The following NELL1 variants were observed in gnomAD, a reference collection of about 807,000 sequenced individuals.
NELL1 encodes neural EGFL like 1, also known as protein kinase C-binding protein NELL1.
NELL1 carries 76 observed loss-of-function variants against 107.4 expected under a neutral mutation model. That is an observed-to-expected ratio of 0.71 (90% CI 0.59 to 0.86). The LOEUF is 0.86. Among genes scored for constraint, NELL1 ranks in the 40% least tolerant of loss-of-function variants. The pLI is 0.00. For synonymous variants in NELL1, 353 were observed against 341.2 expected, an observed-to-expected ratio of 1.03 and a Z score of -0.38; for missense variants, 1,024 against 1,005.5, an observed-to-expected ratio of 1.02 and a Z score of -0.25.
intron 14 of NELL1, among the ~76,000 whole-genome samples, chr11:21,276,378 C>G (rs560326247): frequency 6.6e-6 from 1 of 152,170 alleles, no homozygotes; most frequent in African/African-American, 2.4e-5. Context: ...CTACAAACCA[C>G]TGCTCAATGA....
In NELL1 at chr11:21,343,089, T is replaced by C. The variant is rs148595057; in HGVS notation, c.1550-27764T>C. ...CAGCTTTTGGTTTTGTCTCTTGCAA[T>C]AGATACTGCTCTTTGCACCAAGAAA... On this transcript the variant is annotated intron_variant, in intron 14 of 19. Transcript: ENST00000357134. 3.5e-3 allele frequency among the ~76,000 whole-genome samples: 526 copies of C among 152,216 alleles called. 2 individuals are homozygous for C. The highest frequency in any genetic ancestry group is 0.024 in the Middle Eastern group (7 of 294).
At chr11:21,089,057 C>G (rs1401406271) in intron 12 of NELL1, among the ~76,000 whole-genome samples, 1 of 152,036 alleles carries the variant, frequency 6.6e-6, no homozygotes, top group South Asian at 2.1e-4. Flanking sequence ...CTACTGTGGC[C>G]CCTCATGAAT....
intron 13 of NELL1, among the ~76,000 whole-genome samples, chr11:21,206,513 G>A (rs1369175383): frequency 6.6e-6 from 1 of 152,122 alleles, no homozygotes; most frequent in Non-Finnish European, 1.5e-5. Flanking sequence ...TAATTCAATA[G>A]GAATATGAAG....
chr11:20,926,059 A>G (rs1360567183), intron 7 of NELL1, among the ~76,000 whole-genome samples: 2 of 152,186 alleles, frequency 1.3e-5, no homozygotes, highest in East Asian at 1.9e-4. Context: ...TAAGACATGA[A>G]AGGATAAACA....
chr11:21,030,893 A>G (rs1356623369), intron 12 of NELL1, among the ~76,000 whole-genome samples: 2 of 151,960 alleles, frequency 1.3e-5, no homozygotes, highest in Non-Finnish European at 2.9e-5. Context: ...TTAATTTTAA[A>G]AAAGGTTTTA....
At chr11:21,364,460 A>G (rs1851167718) in intron 14 of NELL1, among the ~76,000 whole-genome samples, 1 of 150,630 alleles carries the variant, frequency 6.6e-6, no homozygotes, top group South Asian at 2.1e-4. Flanking sequence ...CTATCCTATC[A>G]CAAAATGCTA....
chr11:21,153,269 G>A (rs1856158784), intron 13 of NELL1, among the ~76,000 whole-genome samples: 1 of 152,086 alleles, frequency 6.6e-6, no homozygotes, highest in Admixed American at 6.6e-5. Context: ...TTTCAGAAAT[G>A]AGAAGCTCAG....
intron 15 of NELL1, among the ~76,000 whole-genome samples, chr11:21,514,009 T>G (rs1855499863): frequency 6.6e-6 from 1 of 152,200 alleles, no homozygotes; most frequent in African/African-American, 2.4e-5. Context: ...CCAGCTATAT[T>G]GGTATTTATC....
At chr11:20,994,556 A>G (rs1188347092) in intron 12 of NELL1, among the ~76,000 whole-genome samples, 1 of 152,242 alleles carries the variant, frequency 6.6e-6, no homozygotes, top group Non-Finnish European at 1.5e-5. Context: ...AAGTTTTTTT[A>G]AGTTGGAAAA....
At chr11:20,786,956 C>T (rs181494079) in intron 3 of NELL1, among the ~76,000 whole-genome samples, 1,965 of 123,936 alleles carry the variant, frequency 0.016, 21 homozygotes, top group Admixed American at 0.035. Flanking sequence ...TGCCGTGAGC[C>T]GAGATGGCGC....
At position 20,922,501 on chromosome 11, in the gene NELL1, T is replaced by C. The variant is rs140787844; in HGVS notation, c.759+3167T>C. 8.9e-4 allele frequency among the ~76,000 whole-genome samples: 135 copies of C among 152,180 alleles called. 1 individual carries two copies. The highest frequency in any genetic ancestry group is 2.8e-3 in the African/African-American group (118 of 41,532). ...GGTGGAAGGAGATGGAGTCTGGAAA[T>C]GTCAGGCAAACTTGAAGTTGAATAT... On this transcript the variant is annotated intron_variant, in intron 7 of 19. Transcript: ENST00000357134.
intron 13 of NELL1, among the ~76,000 whole-genome samples, chr11:21,192,872 C>A (rs1449469150): frequency 6.6e-6 from 1 of 151,844 alleles, no homozygotes; most frequent in Non-Finnish European, 1.5e-5. Flanking sequence ...AAACTTACCA[C>A]AAAATGTGCT....
At chr11:20,705,364 A>G (rs1437341345) in intron 2 of NELL1, among the ~76,000 whole-genome samples, 5 of 152,138 alleles carry the variant, frequency 3.3e-5, no homozygotes, top group Non-Finnish European at 7.3e-5. Flanking sequence ...AATGCCGCAT[A>G]TCTACAACCA....
At chr11:20,945,157 A>G (rs145117792) in intron 10 of NELL1, among the ~76,000 whole-genome samples, 46 of 152,308 alleles carry the variant, frequency 3.0e-4, no homozygotes, top group African/African-American at 1.0e-3. Flanking sequence ...ATTTCAGTAC[A>G]AGTGATTTAT....
chr11:21,345,413 C>T (rs1850662473), intron 14 of NELL1, among the ~76,000 whole-genome samples: 1 of 152,158 alleles, frequency 6.6e-6, no homozygotes, highest in African/African-American at 2.4e-5. Context: ...TTACTATTTT[C>T]AAAGCATTTG....
intron 15 of NELL1, among the ~76,000 whole-genome samples, chr11:21,373,593 A>G (rs1851403302): frequency 6.6e-6 from 1 of 152,126 alleles, no homozygotes; most frequent in Non-Finnish European, 1.5e-5. Context: ...ATTCAAGTAC[A>G]CTTAGTAAAA....
intron 14 of NELL1, among the ~76,000 whole-genome samples, chr11:21,358,412 T>G (rs1850988600): frequency 6.6e-6 from 1 of 151,936 alleles, no homozygotes; most frequent in Non-Finnish European, 1.5e-5. Context: ...TTGTTTTGTT[T>G]TTTTTGAGGC....
At chr11:21,324,198 A>G (rs1850077024) in intron 14 of NELL1, among the ~76,000 whole-genome samples, 1 of 152,094 alleles carries the variant, frequency 6.6e-6, no homozygotes, top group African/African-American at 2.4e-5. Context: ...TTTGAAGATG[A>G]GGATTCCAGA....
At chr11:21,416,017 C>A (rs188994599) in intron 15 of NELL1, among the ~76,000 whole-genome samples, 1 of 151,926 alleles carries the variant, frequency 6.6e-6, no homozygotes, top group Non-Finnish European at 1.5e-5. Context: ...ATGTCTCTTG[C>A]GACAATTGAA....
Sources: allele counts gnomAD v4.1 joint callset (sites outside exome capture counted in the v4.1 genomes callset), GRCh38; gene constraint gnomAD v4.1.1; transcripts MANE v1.5; gene names NCBI Gene and HGNC (gene_info 2026-07-23, HGNC 2026-07-21).